The following NOVA1 variants were observed in gnomAD, a reference collection of about 807,000 sequenced individuals.
NOVA1 encodes the protein RNA-binding protein Nova-1.
A neutral mutation model predicts 38.0 loss-of-function variants in NOVA1; 7 were observed. The observed-to-expected ratio is 0.18, with a 90% CI of 0.10 to 0.35. The LOEUF (loss-of-function observed/expected upper bound fraction) is 0.35. Ranked by LOEUF, NOVA1 falls within the 10% of genes least tolerant of loss-of-function variation. NOVA1 has a pLI of 1.00. For missense variants in NOVA1, 460 were observed against 616.0 expected, an observed-to-expected ratio of 0.75 and a Z score of 2.68; for synonymous variants, 270 against 232.5, an observed-to-expected ratio of 1.16 and a Z score of -1.47.
At chr14:26,597,262 G>T in intron 1 of NOVA1, 39 bp downstream of exon 1, 2 of 1,230,662 alleles carry the variant, frequency 1.6e-6, no homozygotes, top group Non-Finnish European at 2.0e-6. Context: ...GGCGGGCGGC[G>T]GGGGATGGGG....
chr14:26,559,760 G>A (rs1283852194), intron 2 of NOVA1, among the ~76,000 whole-genome samples: 1 of 152,222 alleles, frequency 6.6e-6, no homozygotes, highest in Middle Eastern at 3.4e-3. Context: ...GGGATAAAAA[G>A]AGGTTGATTA....
intron 2 of NOVA1, among the ~76,000 whole-genome samples, chr14:26,532,547 G>A (rs1889793559): frequency 6.6e-6 from 1 of 152,174 alleles, no homozygotes; most frequent in Non-Finnish European, 1.5e-5. Context: ...ATGTTGAAGT[G>A]AGGATGGATG....
Position 26,597,741 on chromosome 14 carries a change from TGGAGAAG to T in NOVA1, c.-312_-306del, listed in dbSNP as rs1762129950. On this transcript the variant is annotated 5_prime_UTR_variant, in exon 1 of 5. Transcript: ENST00000539517. ...GAAGAAAGGAGACAGGGGGAGAGAG[TGGAGAAG>T]GGAGAGGGGCGAGTGAATGAGCGGG... 1 of 978,814 alleles carries T rather than the reference TGGAGAAG, an allele frequency of 1.0e-6. No individual in the cohort carries two copies. The highest frequency in any genetic ancestry group is 7.4e-5 in the Admixed American group (1 of 13,444). 60.6% of individuals were successfully genotyped at this position (978,814 alleles called of 1,614,324 possible).
At chr14:26,489,567 T>C (rs1886172215) in intron 2 of NOVA1, among the ~76,000 whole-genome samples, 1 of 151,868 alleles carries the variant, frequency 6.6e-6, no homozygotes, top group Non-Finnish European at 1.5e-5. Context: ...GATGCTAAGA[T>C]AATAGAAAAA....
intron 2 of NOVA1, among the ~76,000 whole-genome samples, chr14:26,511,419 T>G (rs1888073800): frequency 6.6e-6 from 1 of 152,116 alleles, no homozygotes; most frequent in African/African-American, 2.4e-5. Context: ...CGTTAAACAC[T>G]CCTTAGATTT....
intron 2 of NOVA1, among the ~76,000 whole-genome samples, chr14:26,541,031 G>GA (rs1441890030): frequency 2.0e-5 from 3 of 151,834 alleles, no homozygotes; most frequent in Non-Finnish European, 4.4e-5. Context: ...TTAGGATCCA[G>GA]AAAAAAAATT....
chr14:26,544,187 A>G (rs1406580588), intron 2 of NOVA1, among the ~76,000 whole-genome samples: 2 of 151,984 alleles, frequency 1.3e-5, no homozygotes, highest in African/African-American at 4.8e-5. Context: ...AAAAAAAGAA[A>G]AAAGAAAAAC....
At chr14:26,571,158 T>G (rs1300803681) in intron 2 of NOVA1, among the ~76,000 whole-genome samples, 1 of 151,256 alleles carries the variant, frequency 6.6e-6, no homozygotes, top group African/African-American at 2.4e-5. Context: ...TATATATATA[T>G]ATGATGTTTA....
At chr14:26,498,703 A>G (rs1268908429) in intron 2 of NOVA1, among the ~76,000 whole-genome samples, 2 of 152,190 alleles carry the variant, frequency 1.3e-5, no homozygotes, top group African/African-American at 4.8e-5. Context: ...TTGTCTGACT[A>G]CTTCACAAAG....
At chr14:26,466,878 A>C (rs1169593214) in intron 4 of NOVA1, among the ~76,000 whole-genome samples, 1 of 152,210 alleles carries the variant, frequency 6.6e-6, no homozygotes, top group Non-Finnish European at 1.5e-5. Flanking sequence ...CACAGCAAGA[A>C]AGCCCTCATC....
At chr14:26,585,096 T>C (rs1893438721) in intron 2 of NOVA1, among the ~76,000 whole-genome samples, 1 of 151,262 alleles carries the variant, frequency 6.6e-6, no homozygotes, top group South Asian at 2.1e-4. Context: ...CATGAAAGAG[T>C]GCTATCTATT....
At chr14:26,589,971 C>G (rs1414251735) in intron 2 of NOVA1, among the ~76,000 whole-genome samples, 3 of 151,788 alleles carry the variant, frequency 2.0e-5, no homozygotes, top group Non-Finnish European at 4.4e-5. Context: ...TACCATGACA[C>G]TTCAGTCTCT....
chr14:26,511,322 A>AG (rs1888066555), intron 2 of NOVA1, among the ~76,000 whole-genome samples: 1 of 152,332 alleles, frequency 6.6e-6, no homozygotes, highest in South Asian at 2.1e-4. Flanking sequence ...ACTAACATAG[A>AG]GAAAAAATAC....
chr14:26,454,959 T>G (rs955176039), intron 4 of NOVA1, among the ~76,000 whole-genome samples: 1 of 152,114 alleles, frequency 6.6e-6, no homozygotes, highest in Non-Finnish European at 1.5e-5. Flanking sequence ...CAAAGCAAAT[T>G]GAAAAATGGT....
At chr14:26,464,121 A>G (rs997043017) in intron 4 of NOVA1, among the ~76,000 whole-genome samples, 1 of 152,162 alleles carries the variant, frequency 6.6e-6, no homozygotes, top group African/African-American at 2.4e-5. Flanking sequence ...AGTTCTCCAA[A>G]TCCCTAGATC....
chr14:26,513,656 A>G (rs1377666666), intron 2 of NOVA1, among the ~76,000 whole-genome samples: 1 of 151,568 alleles, frequency 6.6e-6, no homozygotes, highest in African/African-American at 2.4e-5. Flanking sequence ...AATGTTTTAA[A>G]ATTCTAAATT....
intron 2 of NOVA1, among the ~76,000 whole-genome samples, chr14:26,544,235 G>C (rs1175445887): frequency 6.6e-6 from 1 of 151,968 alleles, no homozygotes; most frequent in African/African-American, 2.4e-5. Context: ...AGATAAACCA[G>C]AAAGTCAGAA....
chr14:26,456,426 G>A (rs1883181865), intron 4 of NOVA1, among the ~76,000 whole-genome samples: 1 of 151,954 alleles, frequency 6.6e-6, no homozygotes, highest in Non-Finnish European at 1.5e-5. Context: ...GTCACAGGAA[G>A]AGATGAAATT....
chr14:26,565,999 T>C (rs890700704), intron 2 of NOVA1, among the ~76,000 whole-genome samples: 7 of 152,172 alleles, frequency 4.6e-5, no homozygotes, highest in African/African-American at 1.7e-4. Flanking sequence ...GGCAGGAGTA[T>C]GTTTCATGGC....
Sources: allele counts gnomAD v4.1 joint callset (sites outside exome capture counted in the v4.1 genomes callset), GRCh38; gene constraint gnomAD v4.1.1; transcripts MANE v1.5; gene names NCBI Gene and HGNC (gene_info 2026-07-23, HGNC 2026-07-21).